The following EPHA6 variants were observed in gnomAD, a reference collection of about 807,000 sequenced individuals.
EPHA6 encodes the protein EPH receptor A6.
Under a neutral mutation model 112.0 loss-of-function variants are expected in EPHA6, and 50 were observed. The ratio of observed to expected loss-of-function variants is 0.45; its 90% CI spans 0.36 to 0.56. EPHA6 has a LOEUF of 0.56. Ranked by LOEUF, EPHA6 falls within the 20% of genes least tolerant of loss-of-function variation. The probability of loss-of-function intolerance (pLI) is 0.00; values close to 1 mark genes in which losing one functional copy is unlikely to be tolerated. For synonymous variants in EPHA6, 529 were observed against 490.7 expected (o/e 1.08, Z -1.03); for missense variants, 1,280 against 1,417.4 (o/e 0.90, Z 1.56).
chr3:97,287,982 G>A (rs576008270), intron 5 of EPHA6, among the ~76,000 whole-genome samples: 3 of 151,654 alleles, frequency 2.0e-5, no homozygotes, highest in Non-Finnish European at 2.9e-5. Context: ...TAGAATTGGC[G>A]TTTGTTATTC....
rs1239698347 is a variant in EPHA6, at chr3:97,759,175, G to A, written c.*10474G>A. 6.6e-6 allele frequency among the ~76,000 whole-genome samples: 1 copy of A among 151,960 alleles called. No homozygotes were observed. Among genetic ancestry groups the A allele is most frequent in the East Asian group, 1.9e-4 (1 of 5,180 alleles). ...CATCTGGATTAAATGCTTTTAAGAA[G>A]TCAAGATTAGAACAAAGACATGTCC... On this transcript the variant is annotated 3_prime_UTR_variant, in exon 18 of 18. Transcript: ENST00000389672.
At chr3:96,851,477 G>C (rs76930584) in intron 1 of EPHA6, among the ~76,000 whole-genome samples, 1 of 152,022 alleles carries the variant, frequency 6.6e-6, no homozygotes, top group Non-Finnish European at 1.5e-5. Flanking sequence ...TTTCTGATAG[G>C]ATACTGTGCT....
chr3:97,704,964 C>T (rs1167054607), intron 14 of EPHA6, among the ~76,000 whole-genome samples: 2 of 152,100 alleles, frequency 1.3e-5, no homozygotes, highest in Non-Finnish European at 2.9e-5. Context: ...TCTATTTCCC[C>T]TTCAGCAATC....
chr3:97,160,380 G>A (rs6775105), intron 3 of EPHA6, among the ~76,000 whole-genome samples: 1,955 of 152,052 alleles, frequency 0.013, 47 homozygotes, highest in African/African-American at 0.043. Context: ...GGGTTTAAGC[G>A]ATTCTCCTGC....
Position 97,748,960 on chromosome 3 carries a change from G to A in EPHA6, c.*259G>A. 2.3e-5 allele frequency: 10 copies of A among 441,184 alleles called. No individual in the cohort carries two copies. Among genetic ancestry groups the A allele is most frequent in the Admixed American group, 3.4e-5 (1 of 29,722 alleles). The allele number at this position is 441,184 out of a possible 1,614,324, so 27.3% of individuals were successfully genotyped here. ...ACGCAATGGTAAATAACTCAGCATG[G>A]ATGTGTAATTTTGTATAAGCCGTAT... On this transcript the variant is annotated 3_prime_UTR_variant, in exon 18 of 18. Transcript: ENST00000389672.
In EPHA6 at chr3:97,654,087, G is replaced by A. The variant is rs367658765; in HGVS notation, c.2784+16005G>A. Among the ~76,000 whole-genome samples the A allele has an allele frequency of 8.6e-5, 13 of 151,924 alleles. No homozygotes were observed. The South Asian group carries it at 2.5e-3, about 29-fold the overall frequency. ...ATACTAAATTTAACAATACTATATTGTATGCTAGAAATTTGTTAAAAGGGT... is the reference window on the plus strand; with the variant it reads ...ATACTAAATTTAACAATACTATATTATATGCTAGAAATTTGTTAAAAGGGT... On this transcript the variant is annotated intron_variant, in intron 14 of 17. Transcript: ENST00000389672.
chr3:97,405,119 A>G, intron 5 of EPHA6, 31 bp from the exon 6 acceptor site: 4 of 1,558,420 alleles, frequency 2.6e-6, no homozygotes, highest in South Asian at 1.2e-5. Flanking sequence ...ATTCCTGCCA[A>G]TTAATTCTTA....
At chr3:97,328,052 C>CATATATAAATATATATAT (rs1490094035) in intron 5 of EPHA6, among the ~76,000 whole-genome samples, 3 of 56,990 alleles carry the variant, frequency 5.3e-5, no homozygotes, top group African/African-American at 2.6e-4. Context: ...CACATATATA[C>CATATATAAATATATATAT]ACATATATAT....
chr3:97,031,840 C>T (rs924718471), intron 3 of EPHA6, among the ~76,000 whole-genome samples: 5 of 152,162 alleles, frequency 3.3e-5, no homozygotes, highest in Non-Finnish European at 5.9e-5. Flanking sequence ...CACTTTTACA[C>T]TGTTGGTGGG....
chr3:97,578,357 G>A (rs1329127653), intron 11 of EPHA6, among the ~76,000 whole-genome samples: 3 of 151,904 alleles, frequency 2.0e-5, no homozygotes, highest in Non-Finnish European at 4.4e-5. Context: ...CAAGAAGGAG[G>A]AAGGGGCACA....
At chr3:97,398,621 T>A (rs2086819401) in intron 5 of EPHA6, among the ~76,000 whole-genome samples, 1 of 151,460 alleles carries the variant, frequency 6.6e-6, no homozygotes, top group African/African-American at 2.4e-5. Flanking sequence ...ATAGTACATA[T>A]GGTTGCTACA....
At chr3:97,387,102 G>A (rs1289776925) in intron 5 of EPHA6, among the ~76,000 whole-genome samples, 1 of 152,238 alleles carries the variant, frequency 6.6e-6, no homozygotes, top group South Asian at 2.1e-4. Context: ...CTCCAGGCCT[G>A]TAATGGAAGG....
chr3:97,108,490 G>A (rs143928849), intron 3 of EPHA6, among the ~76,000 whole-genome samples: 1 of 152,210 alleles, frequency 6.6e-6, no homozygotes, highest in Non-Finnish European at 1.5e-5. Context: ...ACAAGGCATT[G>A]CCAAGGAAAG....
chr3:97,467,358 C>T (rs2091089534), intron 7 of EPHA6, among the ~76,000 whole-genome samples: 1 of 151,582 alleles, frequency 6.6e-6, no homozygotes, highest in Admixed American at 6.6e-5. Flanking sequence ...ACAGTTCATA[C>T]AACTTATGAA....
At chr3:97,584,239 C>T (rs2093467817) in intron 11 of EPHA6, among the ~76,000 whole-genome samples, 1 of 152,130 alleles carries the variant, frequency 6.6e-6, no homozygotes, top group Admixed American at 6.5e-5. Context: ...CTACCATGCA[C>T]AAGATCTGGG....
intron 3 of EPHA6, among the ~76,000 whole-genome samples, chr3:97,102,620 C>T (rs995152236): frequency 2.0e-5 from 3 of 151,974 alleles, no homozygotes; most frequent in African/African-American, 7.2e-5. Flanking sequence ...ATGATTTATG[C>T]TCTTTTGGGT....
chr3:96,888,821 C>T (rs1224067454), intron 2 of EPHA6, among the ~76,000 whole-genome samples: 2 of 152,220 alleles, frequency 1.3e-5, no homozygotes, highest in Admixed American at 6.5e-5. Flanking sequence ...CAAATTTCTA[C>T]AGCTGGCTTG....
chr3:97,529,109 C>T (rs1456023793), intron 10 of EPHA6, among the ~76,000 whole-genome samples: 1 of 152,182 alleles, frequency 6.6e-6, no homozygotes, highest in East Asian at 1.9e-4. Context: ...TTGCTACCAA[C>T]TGGGAATTTA....
intron 5 of EPHA6, among the ~76,000 whole-genome samples, chr3:97,268,210 AAAGAAAAAGC>A (rs1264536405): frequency 1.3e-5 from 2 of 152,184 alleles, no homozygotes; most frequent in African/African-American, 4.8e-5. Context: ...TTTCATTAGA[AAAGAAAAAGC>A]TTTCTTTTCT....
Sources: gnomAD v4.1 joint callset for allele counts (sites outside exome capture counted in the v4.1 genomes callset) on GRCh38, gnomAD v4.1.1 for gene constraint, MANE v1.5 for transcripts, NCBI Gene and HGNC (gene_info 2026-07-23, HGNC 2026-07-21) for gene names.